NCKAP5: variants seen among roughly 807,000 people sequenced by gnomAD.
NCKAP5 encodes nck-associated protein 5.
Under a neutral mutation model 167.0 loss-of-function variants are expected in NCKAP5, and 92 were observed. The ratio of observed to expected loss-of-function variants is 0.55; its 90% CI spans 0.47 to 0.66. The LOEUF (loss-of-function observed/expected upper bound fraction) is 0.66. Ranked by LOEUF, NCKAP5 falls within the 30% of genes least tolerant of loss-of-function variation. The pLI is 0.00. For synonymous variants in NCKAP5, 891 were observed against 877.4 expected (o/e 1.02, Z -0.27); for missense variants, 2,378 against 2,315.0 (o/e 1.03, Z -0.56).
intron 3 of NCKAP5, among the ~76,000 whole-genome samples, chr2:133,375,921 G>A (rs1574830275): frequency 6.6e-6 from 1 of 152,276 alleles, no homozygotes; most frequent in East Asian, 1.9e-4. Context: ...TGGGAAATGG[G>A]TCCAATGTCT....
intron 6 of NCKAP5, among the ~76,000 whole-genome samples, chr2:133,068,445 T>C (rs1384586101): frequency 2.6e-5 from 4 of 152,312 alleles, no homozygotes; most frequent in East Asian, 3.9e-4. Context: ...CTGAATATAC[T>C]GGCAGAGACA....
intron 16 of NCKAP5, among the ~76,000 whole-genome samples, chr2:132,751,868 G>A (rs1368420562): frequency 1.3e-5 from 2 of 152,198 alleles, no homozygotes; most frequent in African/African-American, 4.8e-5. Context: ...TACAAAGGAA[G>A]ACCTAGTGCA....
chr2:132,781,300 T>A, intron 14 of NCKAP5, 71 bp from the exon 15 acceptor site: 1 of 1,428,158 alleles, frequency 7.0e-7, no homozygotes. Context: ...TTTCCCAATC[T>A]TTTTAATATT....
intron 11 of NCKAP5, among the ~76,000 whole-genome samples, chr2:132,800,330 G>T (rs191246181): frequency 1.1e-3 from 161 of 152,160 alleles, no homozygotes; most frequent in African/African-American, 3.8e-3. Flanking sequence ...TCTTTAACCT[G>T]CAAATCCCAA....
intron 5 of NCKAP5, among the ~76,000 whole-genome samples, chr2:133,136,812 C>T (rs931213279): frequency 1.7e-4 from 26 of 152,204 alleles, no homozygotes; most frequent in African/African-American, 5.8e-4. Context: ...AAGCTACCAA[C>T]TAGAAAACGT....
intron 11 of NCKAP5, among the ~76,000 whole-genome samples, chr2:132,812,980 C>T (rs577562617): frequency 1.4e-4 from 22 of 152,284 alleles, no homozygotes; most frequent in Admixed American, 1.1e-3. Context: ...CACTTCCCAA[C>T]GTTCCTGCCT....
chr2:132,895,096 C>T (rs1417525711), intron 8 of NCKAP5, among the ~76,000 whole-genome samples: 1 of 152,004 alleles, frequency 6.6e-6, no homozygotes, highest in African/African-American at 2.4e-5. Flanking sequence ...CTTTGGGAGG[C>T]CAAGGCGGGC....
chr2:132,842,017 CT>C (rs1688328802), intron 11 of NCKAP5, among the ~76,000 whole-genome samples: 1 of 151,896 alleles, frequency 6.6e-6, no homozygotes, highest in African/African-American at 2.4e-5. Context: ...CTGGCTTAAC[CT>C]TTTGTATGGT....
At chr2:133,420,765 T>C (rs1689424213) in intron 3 of NCKAP5, among the ~76,000 whole-genome samples, 1 of 152,198 alleles carries the variant, frequency 6.6e-6, no homozygotes, top group South Asian at 2.1e-4. Context: ...GGTTTTATTC[T>C]GTCCATTTCA....
intron 6 of NCKAP5, among the ~76,000 whole-genome samples, chr2:133,004,365 T>C (rs575702585): frequency 8.5e-5 from 13 of 152,166 alleles, no homozygotes; most frequent in Non-Finnish European, 1.3e-4. Context: ...TGTAGGTTCT[T>C]TTCTATTTTC....
At chr2:132,789,906 G>C in intron 13 of NCKAP5, 117 bp downstream of exon 13, 1 of 872,832 alleles carries the variant, frequency 1.1e-6, no homozygotes, top group Non-Finnish European at 1.7e-6. Context: ...TACATGAGCA[G>C]GTGCTCAGCA....
At chr2:132,950,442 T>C (rs562991272) in intron 8 of NCKAP5, among the ~76,000 whole-genome samples, 27 of 152,310 alleles carry the variant, frequency 1.8e-4, no homozygotes, top group Middle Eastern at 3.4e-3. Flanking sequence ...TGATGATCCA[T>C]GAAGCTCTTA....
chr2:132,908,445 GACTA>G (rs1227634129), intron 8 of NCKAP5, among the ~76,000 whole-genome samples: 2 of 152,124 alleles, frequency 1.3e-5, no homozygotes, highest in African/African-American at 4.8e-5. Context: ...AGTGTGGCAG[GACTA>G]ACTGTGGTCT....
chr2:132,742,757 T>G (rs958614278), intron 16 of NCKAP5, among the ~76,000 whole-genome samples: 1 of 151,962 alleles, frequency 6.6e-6, no homozygotes, highest in Admixed American at 6.6e-5. Flanking sequence ...CATTTTAACA[T>G]GTTTTACTTG....
chr2:132,804,678 TG>T (rs1685296104), intron 11 of NCKAP5, among the ~76,000 whole-genome samples: 1 of 152,248 alleles, frequency 6.6e-6, no homozygotes, highest in African/African-American at 2.4e-5. Flanking sequence ...ACTTGCTCTG[TG>T]GGGGGAAGAG....
intron 6 of NCKAP5, among the ~76,000 whole-genome samples, chr2:133,034,788 A>C (rs1461395726): frequency 4.6e-5 from 7 of 152,100 alleles, no homozygotes; most frequent in Non-Finnish European, 8.8e-5. Context: ...ACTAAAAAGC[A>C]AGAAACTAAT....
intron 16 of NCKAP5, among the ~76,000 whole-genome samples, chr2:132,765,105 A>C (rs1049156242): frequency 1.1e-4 from 17 of 152,212 alleles, no homozygotes; most frequent in Admixed American, 5.2e-4. Context: ...GTTGGTGACC[A>C]ATTACGTATT....
intron 2 of NCKAP5, among the ~76,000 whole-genome samples, chr2:133,545,770 A>G (rs974190871): frequency 6.6e-6 from 1 of 152,172 alleles, no homozygotes; most frequent in South Asian, 2.1e-4. Context: ...AGGAGGGGAG[A>G]GGCAGGATTC....
Position 133,004,940 on chromosome 2 carries a change from C to T in NCKAP5, c.342-10701G>A, listed in dbSNP as rs950673055. On this transcript the variant is annotated intron_variant, in intron 6 of 19. Transcript: ENST00000409261. ...TAATTTAGCAATATTTCTCCTATTC[C>T]CTTTCTGCAAGAAGAGAAATATGAT... Among the ~76,000 whole-genome samples, 12 of 152,274 alleles carry T rather than the reference C, an allele frequency of 7.9e-5. No homozygotes were observed. The East Asian group carries it at 1.9e-3, about 25-fold the overall frequency.
Sources: allele counts gnomAD v4.1 joint callset (sites outside exome capture counted in the v4.1 genomes callset), GRCh38; gene constraint gnomAD v4.1.1; transcripts MANE v1.5; gene names NCBI Gene and HGNC (gene_info 2026-07-23, HGNC 2026-07-21).